Variants in CPEB2 observed in about 807,000 individuals in gnomAD.
The protein encoded by CPEB2 is cytoplasmic polyadenylation element-binding protein 2.
A neutral mutation model predicts 93.6 loss-of-function variants in CPEB2; 56 were observed. That is an observed-to-expected ratio of 0.60 (90% CI 0.48 to 0.75). The LOEUF is 0.75. Among genes scored for constraint, CPEB2 ranks in the 30% least tolerant of loss-of-function variants. The pLI is 0.00. For synonymous variants in CPEB2, 764 were observed against 586.3 expected, an observed-to-expected ratio of 1.30 and a Z score of -4.38; for missense variants, 1,579 against 1,395.1, an observed-to-expected ratio of 1.13 and a Z score of -2.10.
At chr4:15,062,694 T>C (rs189382284) in intron 11 of CPEB2, among the ~76,000 whole-genome samples, 1 of 152,256 alleles carries the variant, frequency 6.6e-6, no homozygotes, top group Admixed American at 6.5e-5. Flanking sequence ...AATTTACATA[T>C]ATATAAGCAC....
chr4:15,036,354 A>G (rs953334921), intron 5 of CPEB2, among the ~76,000 whole-genome samples: 7 of 152,196 alleles, frequency 4.6e-5, no homozygotes, highest in African/African-American at 1.7e-4. Context: ...GAAGAATTCA[A>G]ATATGTTGAA....
At chr4:15,058,939 C>T (rs983404970) in intron 9 of CPEB2, among the ~76,000 whole-genome samples, 1 of 152,146 alleles carries the variant, frequency 6.6e-6, no homozygotes, top group African/African-American at 2.4e-5. Context: ...GATCTCGAAA[C>T]CATCCTCCAC....
rs141552580 is a variant in CPEB2, at chr4:15,005,345, A to T, written c.1662+1010A>T. On this transcript the variant is annotated intron_variant, in intron 1 of 11. Coordinates refer to ENST00000538197, the MANE Select transcript of CPEB2 (RefSeq NM_001177382.2). ...CATTTTTTGGTTGCCTTAACCTTCT[A>T]CAAGGGAATATGTGGGCCGTGTGTA... Among the ~76,000 whole-genome samples the T allele has an allele frequency of 2.0e-5, 3 of 152,210 alleles. No homozygotes were observed. The South Asian group carries it at 6.2e-4, about 31-fold the overall frequency.
intron 8 of CPEB2, among the ~76,000 whole-genome samples, chr4:15,056,761 C>T (rs1728749475): frequency 6.6e-6 from 1 of 152,162 alleles, no homozygotes; most frequent in Admixed American, 6.5e-5. Flanking sequence ...GTTTCCTTTG[C>T]AGTGAATAAC....
In CPEB2 at chr4:15,052,505, A is replaced by G. The variant is rs1383677805; in HGVS notation, c.2292A>G (p.Ser764=). The G allele has an allele frequency of 1.9e-6, 3 of 1,598,674 alleles. No individual in the cohort carries two copies. The highest frequency in any genetic ancestry group is 2.7e-5 in the African/African-American group (2 of 74,510). Residue 764 remains serine (S), a synonymous_variant, in exon 7 of 12, where the codon TCA becomes TCG. Transcript: ENST00000538197. ...TTTTAAATTCACCCACCTGTTATTC[A>G]GCTCACCAAAATGGAGAGCGAATAG... ...VGVLNSPTCY[S]AHQNGERIER...
chr4:15,003,031 G>GACC lies in CPEB2; in HGVS notation c.365_367dup (p.His122dup), dbSNP rs1722177707. ...GGCGGCGGCCACGGAGAAACTCCCCGACCACCACCCCGGCGGCGGCACGAT... is the reference window on the plus strand; with the variant it reads ...GGCGGCGGCCACGGAGAAACTCCCCGACCACCACCACCCCGGCGGCGGCACGAT... On this transcript the variant is annotated inframe_insertion, in exon 1 of 12. Transcript: ENST00000538197. 3 of 1,498,400 alleles carry GACC rather than the reference G, an allele frequency of 2.0e-6. No individual in the cohort carries two copies. Among genetic ancestry groups the GACC allele is most frequent in the Admixed American group, 2.5e-5 (1 of 40,372 alleles). 92.8% of individuals were successfully genotyped at this position (1,498,400 alleles called of 1,614,324 possible). A position where few individuals can be genotyped will look rare whatever the true frequency, so the allele number is the denominator to read the frequency against.
At chr4:15,035,090 C>T (rs897223829) in intron 5 of CPEB2, among the ~76,000 whole-genome samples, 7 of 152,308 alleles carry the variant, frequency 4.6e-5, no homozygotes, top group African/African-American at 1.4e-4. Flanking sequence ...AAGTATTACA[C>T]ATTTAACTCA....
intron 6 of CPEB2, among the ~76,000 whole-genome samples, chr4:15,050,758 A>G (rs1728150168): frequency 6.6e-6 from 1 of 151,934 alleles, no homozygotes. Context: ...TCCTTTCTCT[A>G]ACTCCTTGAA....
chr4:15,012,134 A>C (rs1454825329), intron 3 of CPEB2, among the ~76,000 whole-genome samples: 1 of 152,260 alleles, frequency 6.6e-6, no homozygotes, highest in Non-Finnish European at 1.5e-5. Context: ...TTTGTAAACC[A>C]GATGAACTTC....
intron 1 of CPEB2, chr4:15,004,844 G>A (rs1722571739): frequency 6.6e-6 from 1 of 152,360 alleles, no homozygotes; most frequent in South Asian, 2.1e-4. Context: ...AACTTGGGCA[G>A]GGGAAAAATG....
At chr4:15,020,991 C>T (rs539944540) in intron 4 of CPEB2, among the ~76,000 whole-genome samples, 36 of 152,158 alleles carry the variant, frequency 2.4e-4, no homozygotes, top group African/African-American at 8.4e-4. Context: ...GTCAATTAGA[C>T]AAAGGAACCA....
At chr4:15,040,565 A>G in intron 6 of CPEB2, 78 bp downstream of exon 6, 1 of 1,286,874 alleles carries the variant, frequency 7.8e-7, no homozygotes, top group East Asian at 2.5e-5. Flanking sequence ...ATTACTCTAG[A>G]TTTTTCATGC....
Position 15,007,257 on chromosome 4 carries a change from T to A in CPEB2, c.1663-48T>A, listed in dbSNP as rs761794295. On this transcript the variant is annotated intron_variant, in intron 1 of 11. Transcript: ENST00000538197. ...TCTGAAATTTGAATTTGAATTTGAATTGTAAATTCTTTAAATGCCGCAATT... is the reference window on the plus strand; with the variant it reads ...TCTGAAATTTGAATTTGAATTTGAAATGTAAATTCTTTAAATGCCGCAATT... The A allele has an allele frequency of 4.3e-6, 6 of 1,388,110 alleles. No individual in the cohort carries two copies. The African/African-American group carries it at 5.8e-5, about 13-fold the overall frequency. 86.0% of individuals were successfully genotyped at this position (1,388,110 alleles called of 1,614,324 possible). A position where few individuals can be genotyped will look rare whatever the true frequency, so the allele number is the denominator to read the frequency against.
At chr4:15,035,864 A>G (rs562085164) in intron 5 of CPEB2, among the ~76,000 whole-genome samples, 1 of 152,206 alleles carries the variant, frequency 6.6e-6, no homozygotes, top group African/African-American at 2.4e-5. Flanking sequence ...ATTAAAGAAC[A>G]TTCCTTAGAA....
chr4:15,043,113 T>A (rs1330084181), intron 6 of CPEB2, among the ~76,000 whole-genome samples: 1 of 152,228 alleles, frequency 6.6e-6, no homozygotes, highest in East Asian at 1.9e-4. Flanking sequence ...ACTGTTTTTC[T>A]TCTTTCAGCC....
rs1577426192 is a variant in CPEB2 at position 15,038,781 on chromosome 4, G to A, written c.2177-1683G>A. 3.3e-5 allele frequency among the ~76,000 whole-genome samples: 5 copies of A among 151,996 alleles called. No individual in the cohort carries two copies. The Middle Eastern group carries it at 0.017, about 517-fold the overall frequency. On this transcript the variant is annotated intron_variant, in intron 5 of 11. Coordinates refer to ENST00000538197, the MANE Select transcript of CPEB2 (RefSeq NM_001177382.2). ...TTTTTGTATTTTTAGTAGAGACGAG[G>A]TTTCACCATATTGGTCAGGCTGGTC...
intron 10 of CPEB2, among the ~76,000 whole-genome samples, chr4:15,061,167 T>C (rs1044900291): frequency 6.6e-6 from 1 of 152,102 alleles, no homozygotes; most frequent in Admixed American, 6.6e-5. Context: ...CTGGCATCCA[T>C]GGGAGAGGTC....
rs528365113 is a variant in CPEB2 at position 15,047,656 on chromosome 4, A to G, written c.2201-4758A>G. The stretch of plus-strand genomic sequence containing the variant: ...CTAGTTTGATTTCTTCGAATTTTAC[A>G]TGTACAATTATGTCTATACTAAGTA... On this transcript the variant is annotated intron_variant, in intron 6 of 11. Coordinates refer to ENST00000538197, the MANE Select transcript of CPEB2 (RefSeq NM_001177382.2). 3.3e-5 allele frequency among the ~76,000 whole-genome samples: 5 copies of G among 152,154 alleles called. No individual in the cohort carries two copies. The East Asian group carries it at 5.8e-4, about 18-fold the overall frequency.
Position 15,003,314 on chromosome 4 carries a change from C to A in CPEB2, c.641C>A (p.Pro214Gln). Residue 214 changes from proline to glutamine, a missense_variant, in exon 1 of 12, where the codon CCA (proline) becomes CAA (glutamine). By Grantham distance (76) the Pro-to-Gln change is moderately conservative. This residue lies in a region of CPEB2 where 1,411 missense variants were observed against 1,056.0 expected (regional missense o/e 1.34). Coordinates refer to ENST00000538197, the MANE Select transcript of CPEB2 (RefSeq NM_001177382.2). ...GGTCGGTTCAGCCCGCCGCCGCCGC[C>A]AGCCGGCCCGCTCCTCCAGCCGGCG... is the stretch of plus-strand genomic sequence containing the variant. ...CPGRFSPPPP[P>Q]AGPLLQPAQL... The A allele has an allele frequency of 7.0e-7, 1 of 1,423,960 alleles. No homozygotes were observed. Among genetic ancestry groups the A allele is most frequent in the Non-Finnish European group, 9.1e-7 (1 of 1,102,750 alleles). 88.2% of individuals were successfully genotyped at this position (1,423,960 alleles called of 1,614,324 possible). A position where few individuals can be genotyped will look rare whatever the true frequency, so the allele number is the denominator to read the frequency against.
Sources: allele counts gnomAD v4.1 joint callset (sites outside exome capture counted in the v4.1 genomes callset), GRCh38; gene constraint gnomAD v4.1.1; regional missense constraint gnomAD v4.1.1; transcripts MANE v1.5; gene names NCBI Gene and HGNC (gene_info 2026-07-23, HGNC 2026-07-21).